ATP2B2: variants seen among roughly 807,000 people sequenced by gnomAD.
ATP2B2 encodes ATPase plasma membrane Ca2+ transporting 2.
In ATP2B2, 15 loss-of-function variants were observed where a neutral mutation model predicts 120.0. The ratio of observed to expected loss-of-function variants is 0.12; its 90% confidence interval spans 0.08 to 0.19. ATP2B2 has a LOEUF of 0.19. ATP2B2 is among the 10% of genes least tolerant of loss of function. The pLI, the probability that ATP2B2 is intolerant of heterozygous loss-of-function variation, is 1.00. For missense variants in ATP2B2, 1,045 were observed against 1,719.8 expected, an observed-to-expected ratio of 0.61 and a Z score of 6.94; for synonymous variants, 694 against 700.3, an observed-to-expected ratio of 0.99 and a Z score of 0.14.
At chr3:10,527,825 C>T (rs945371058) in intron 3 of ATP2B2, among the ~76,000 whole-genome samples, 4 of 152,228 alleles carry the variant, frequency 2.6e-5, no homozygotes, top group African/African-American at 7.2e-5. Context: ...TCTGACTGCT[C>T]GGCTCCAGCA....
chr3:10,477,101 C>T (rs1007289940), intron 1 of ATP2B2, among the ~76,000 whole-genome samples: 3 of 152,238 alleles, frequency 2.0e-5, no homozygotes, highest in African/African-American at 7.2e-5. Context: ...TGGCTTCCTC[C>T]AGGCCAGGCC....
Position 10,402,523 on chromosome 3 carries a change from C to A in ATP2B2, c.398-175G>T, listed in dbSNP as rs576835247. ...CCTGTGGAAAGTGCTTCACGCAGAT[C>A]ATCTCACAGGGTATTCCCGCTGCCC... On this transcript the variant is annotated intron_variant, in intron 3 of 22. Transcript: ENST00000360273. The surrounding 1 kb of genome is among the most constrained non-coding windows in gnomAD (Gnocchi z 4.9). Among the ~76,000 whole-genome samples, 3 of 152,260 alleles carry A rather than the reference C, an allele frequency of 2.0e-5. No homozygotes were observed. The South Asian group carries it at 6.2e-4, about 32-fold the overall frequency.
At chr3:10,682,560 A>T (rs1281571701) in intron 1 of ATP2B2, among the ~76,000 whole-genome samples, 2 of 152,228 alleles carry the variant, frequency 1.3e-5, no homozygotes, top group Non-Finnish European at 2.9e-5. Flanking sequence ...AGTGCATGGG[A>T]AATGCTTAGT....
intron 14 of ATP2B2, among the ~76,000 whole-genome samples, chr3:10,358,018 G>T (rs965584074): frequency 6.6e-6 from 1 of 152,232 alleles, no homozygotes; most frequent in Admixed American, 6.5e-5. Flanking sequence ...CACCCCACTA[G>T]GTGTACTGAT....
At chr3:10,529,282 T>C (rs568292038) in intron 3 of ATP2B2, among the ~76,000 whole-genome samples, 1 of 152,324 alleles carries the variant, frequency 6.6e-6, no homozygotes, top group East Asian at 1.9e-4. Flanking sequence ...TTGGGAACGA[T>C]CTTCCTGGTA....
chr3:10,438,459 G>C (rs964098691), intron 2 of ATP2B2, among the ~76,000 whole-genome samples: 7 of 152,170 alleles, frequency 4.6e-5, no homozygotes, highest in Admixed American at 4.6e-4. Flanking sequence ...TCATCACACT[G>C]TACCTGCATG....
chr3:10,549,613 T>A (rs1459320561), intron 2 of ATP2B2, among the ~76,000 whole-genome samples: 3 of 152,258 alleles, frequency 2.0e-5, no homozygotes, highest in African/African-American at 7.2e-5. Context: ...CAAAGAAGTT[T>A]AAAGTTTGCA....
chr3:10,635,213 C>T lies in ATP2B2; in HGVS notation c.-459-15252G>A, dbSNP rs553594917. Among the ~76,000 whole-genome samples the T allele has an allele frequency of 2.4e-4, 37 of 152,242 alleles. No individual in the cohort carries two copies. The South Asian group carries it at 3.7e-3, about 15-fold the overall frequency. ...TCAAGAGAAGTTGGAAATCCAGGTA[C>T]TTCCATGGCATCTCTCAATTTGGGG... On this transcript the variant is annotated intron_variant, in intron 1 of 21. Transcript: ENST00000646379. This position sits in a 1 kb window ranked among gnomAD's most constrained non-coding sequence, Gnocchi z 4.3.
chr3:10,408,138 C>G (rs1278214520), intron 3 of ATP2B2, among the ~76,000 whole-genome samples: 1 of 152,156 alleles, frequency 6.6e-6, no homozygotes, highest in African/African-American at 2.4e-5. Context: ...GATCTTTGAC[C>G]GAAAGTTCCT....
In ATP2B2 at chr3:10,350,134, C is replaced by T. The variant is rs144351929; in HGVS notation, c.2382G>A (p.Thr794=). The stretch of plus-strand genomic sequence containing the variant: ...TACCTTTAACCAGGGTATGCTTGTC[C>T]GTTGGGGAGGAGCGAGCCAGCACCC... ...KLRVLARSSP[T]DKHTLVKGII... The change falls in exon 16 of 23, where the codon ACG becomes ACA. Residue 794 remains threonine (T), a synonymous_variant. Coordinates refer to ENST00000360273, the MANE Select transcript of ATP2B2 (RefSeq NM_001001331.4). The T allele has an allele frequency of 3.6e-5, 57 of 1,584,858 alleles. No homozygotes were observed. Among genetic ancestry groups the T allele is most frequent in the Admixed American group, 2.9e-4 (17 of 58,768 alleles).
chr3:10,665,945 GTCT>G (rs1362669071), intron 1 of ATP2B2, among the ~76,000 whole-genome samples: 3 of 152,190 alleles, frequency 2.0e-5, no homozygotes, highest in African/African-American at 7.2e-5. Context: ...GGGTGGAAGA[GTCT>G]TCTTAGGGAT....
intron 8 of ATP2B2, among the ~76,000 whole-genome samples, chr3:10,384,899 C>T (rs2061629268): frequency 6.6e-6 from 1 of 152,338 alleles, no homozygotes; most frequent in Admixed American, 6.5e-5. Flanking sequence ...AGCCCTGATC[C>T]CAGGCCTTCT....
At chr3:10,638,451 C>A (rs910907359) in intron 1 of ATP2B2, among the ~76,000 whole-genome samples, 53 of 151,856 alleles carry the variant, frequency 3.5e-4, no homozygotes, top group Non-Finnish European at 3.2e-4. Context: ...TTAAAAAAAA[C>A]CACTAAAATA....
rs926853429 is a variant in ATP2B2 at position 10,342,023 on chromosome 3, C to T, written c.2917+729G>A. On this transcript the variant is annotated intron_variant, in intron 19 of 22. Coordinates refer to ENST00000360273, the MANE Select transcript of ATP2B2 (RefSeq NM_001001331.4). The surrounding 1 kb of genome is among the most constrained non-coding windows in gnomAD (Gnocchi z 4.4). Reference sequence around the variant, plus strand: ...CTGGCCCTGATTCCATGTGGGACTGCGGGCCAGACCCTTCCCCTCTCTGGG... The same window carrying T: ...CTGGCCCTGATTCCATGTGGGACTGTGGGCCAGACCCTTCCCCTCTCTGGG... Among the ~76,000 whole-genome samples, 11 of 152,242 alleles carry T rather than the reference C, an allele frequency of 7.2e-5. No homozygotes were observed. Among genetic ancestry groups the T allele is most frequent in the Non-Finnish European group, 1.3e-4 (9 of 68,042 alleles).
At chr3:10,604,469 G>A (rs1244376096) in intron 2 of ATP2B2, among the ~76,000 whole-genome samples, 2 of 152,094 alleles carry the variant, frequency 1.3e-5, no homozygotes, top group Non-Finnish European at 2.9e-5. Context: ...GCTTCTTGTG[G>A]GCCAGGTCTT....
chr3:10,647,257 A>C (rs1187311786), intron 1 of ATP2B2, among the ~76,000 whole-genome samples: 1 of 151,964 alleles, frequency 6.6e-6, no homozygotes, highest in South Asian at 2.1e-4. Context: ...GAAGGAGAGG[A>C]GATGGGCTCA....
chr3:10,683,303 T>C (rs2071428236), intron 1 of ATP2B2, among the ~76,000 whole-genome samples: 1 of 151,688 alleles, frequency 6.6e-6, no homozygotes. Context: ...TTTGGATGAG[T>C]CACAGAAAGA....
Position 10,454,002 on chromosome 3 carries a change from A to G in ATP2B2, c.-319-4140T>C, listed in dbSNP as rs568256720. Among the ~76,000 whole-genome samples the G allele has an allele frequency of 4.7e-5, 7 of 149,990 alleles. No homozygotes were observed. In the South Asian group the frequency reaches 6.4e-4, roughly 14 times the overall value. ...CACTCACTGACCCTTCCATCCATTC[A>G]TCCACCCACCCACCACCCACCGACC... On this transcript the variant is annotated intron_variant, in intron 1 of 22. Coordinates refer to ENST00000360273, the MANE Select transcript of ATP2B2 (RefSeq NM_001001331.4).
At chr3:10,528,573 A>G (rs1425246684) in intron 3 of ATP2B2, among the ~76,000 whole-genome samples, 1 of 152,156 alleles carries the variant, frequency 6.6e-6, no homozygotes, top group African/African-American at 2.4e-5. Context: ...CACATGAGCA[A>G]GTTTCCTAGC....
Sources: gnomAD v4.1 joint callset for allele counts (sites outside exome capture counted in the v4.1 genomes callset) on GRCh38, gnomAD v4.1.1 for gene constraint, Gnocchi (gnomAD v3.1) non-coding constraint, MANE v1.5 for transcripts, NCBI Gene and HGNC (gene_info 2026-07-23, HGNC 2026-07-21) for gene names.